PLXDC2: variants seen among roughly 807,000 people sequenced by gnomAD.
PLXDC2 encodes the protein plexin domain-containing protein 2.
PLXDC2 carries 40 observed loss-of-function variants against 68.9 expected under a neutral mutation model. The observed-to-expected ratio is 0.58, with a 90% CI of 0.45 to 0.76. The LOEUF (loss-of-function observed/expected upper bound fraction) is 0.76, where lower values mean the gene tolerates loss of function less well. Among genes scored for constraint, PLXDC2 ranks in the 30% least tolerant of loss-of-function variants. PLXDC2 has a pLI of 0.00. For synonymous variants in PLXDC2, 243 were observed against 234.2 expected (o/e 1.04, Z -0.34); for missense variants, 644 against 661.9 (o/e 0.97, Z 0.30).
At chr10:20,099,643 TGTGA>T (rs1235061222) in intron 4 of PLXDC2, among the ~76,000 whole-genome samples, 1 of 152,124 alleles carries the variant, frequency 6.6e-6, no homozygotes, top group Non-Finnish European at 1.5e-5. Context: ...TGCTAAATTG[TGTGA>T]GTGAGGGCTT....
chr10:19,892,750 A>G (rs1837987028), intron 1 of PLXDC2, among the ~76,000 whole-genome samples: 2 of 152,276 alleles, frequency 1.3e-5, no homozygotes, highest in South Asian at 4.1e-4. Context: ...TTTGATGGTC[A>G]CTTTCTGCAG....
At chr10:19,968,808 TATTG>T in intron 1 of PLXDC2, among the ~76,000 whole-genome samples, 1 of 152,272 alleles carries the variant, frequency 6.6e-6, no homozygotes, top group South Asian at 2.1e-4. Context: ...CCTGTAAAAC[TATTG>T]ATTAAGTACC....
At chr10:20,156,486 C>G (rs1186743513) in intron 6 of PLXDC2, among the ~76,000 whole-genome samples, 1 of 152,178 alleles carries the variant, frequency 6.6e-6, no homozygotes, top group Non-Finnish European at 1.5e-5. Flanking sequence ...AAAATTCACT[C>G]AAAGTGTGCA....
chr10:20,190,381 G>A (rs528972319), intron 9 of PLXDC2, among the ~76,000 whole-genome samples: 6 of 151,948 alleles, frequency 3.9e-5, no homozygotes, highest in Non-Finnish European at 7.4e-5. Context: ...AACAGTAGGT[G>A]CTAAATTGGT....
At chr10:20,149,193 A>G (rs1163534986) in intron 6 of PLXDC2, among the ~76,000 whole-genome samples, 1 of 110,894 alleles carries the variant, frequency 9.0e-6, no homozygotes, top group Non-Finnish European at 1.9e-5. Flanking sequence ...TAAGCCTTGG[A>G]TTCAATAGTT....
At chr10:19,934,115 A>T (rs2131391931) in intron 1 of PLXDC2, among the ~76,000 whole-genome samples, 1 of 152,332 alleles carries the variant, frequency 6.6e-6, no homozygotes, top group Admixed American at 6.5e-5. Flanking sequence ...TCATTGGGAT[A>T]CCACTTCATT....
At chr10:20,180,822 A>G (rs1834593663) in intron 9 of PLXDC2, among the ~76,000 whole-genome samples, 1 of 152,160 alleles carries the variant, frequency 6.6e-6, no homozygotes, top group African/African-American at 2.4e-5. Context: ...GCTTACTAAA[A>G]TTACTTGGTC....
rs192453125 is a variant in PLXDC2, at chr10:20,023,748, A to G, written c.324+21762A>G. On this transcript the variant is annotated intron_variant, in intron 2 of 13. Coordinates refer to ENST00000377252, the MANE Select transcript of PLXDC2 (RefSeq NM_032812.9). Reference sequence around the variant, plus strand: ...TCTGCAATCCACAAAAGTTATTTATAGGCAGCCACTTTCAAAAAAATGTTT... The same window carrying G: ...TCTGCAATCCACAAAAGTTATTTATGGGCAGCCACTTTCAAAAAAATGTTT... Among the ~76,000 whole-genome samples the G allele has an allele frequency of 1.1e-3, 153 of 143,478 alleles. 1 individual carries two copies. The East Asian group carries it at 0.021, about 20-fold the overall frequency. The allele number at this position is 143,478 out of a possible 152,430, so 94.1% of individuals were successfully genotyped here.
At chr10:20,041,120 AC>A (rs1835674103) in intron 2 of PLXDC2, among the ~76,000 whole-genome samples, 1 of 152,220 alleles carries the variant, frequency 6.6e-6, no homozygotes. Flanking sequence ...ATAGATAACC[AC>A]ATGCTGAATA....
At chr10:20,066,752 A>G (rs1836218471) in intron 3 of PLXDC2, among the ~76,000 whole-genome samples, 1 of 152,234 alleles carries the variant, frequency 6.6e-6, no homozygotes, top group South Asian at 2.1e-4. Flanking sequence ...GTAATTAGAA[A>G]TCGTGATGGC....
At chr10:20,009,960 A>G (rs904094361) in intron 2 of PLXDC2, among the ~76,000 whole-genome samples, 1 of 152,012 alleles carries the variant, frequency 6.6e-6, no homozygotes, top group Non-Finnish European at 1.5e-5. Context: ...TTAGATTAGA[A>G]TTGTTGTGGT....
At chr10:20,147,589 T>C (rs990129482) in intron 5 of PLXDC2, among the ~76,000 whole-genome samples, 195 bp from the exon 6 acceptor site, 1 of 152,208 alleles carries the variant, frequency 6.6e-6, no homozygotes, top group African/African-American at 2.4e-5. Flanking sequence ...ACTAAATATT[T>C]AGAGAGTACT....
Position 19,837,409 on chromosome 10 carries a change from AGTGTGTGTGTGT to A in PLXDC2, c.112+20243_112+20254del, listed in dbSNP as rs3043789. On this transcript the variant is annotated intron_variant, in intron 1 of 13. Transcript: ENST00000377252. ...GTGAGAGAGAGAGAGAGAGAGAGAG[AGTGTGTGTGTGT>A]GTGTGTGTGTGTGTGTGTGTGTGTA... is the stretch of plus-strand genomic sequence containing the variant. 4.2e-3 allele frequency among the ~76,000 whole-genome samples: 350 copies of A among 82,584 alleles called. 8 individuals carry two copies. The East Asian group carries it at 0.11, about 26-fold the overall frequency. The allele number at this position is 82,584 out of a possible 152,430, so 54.2% of individuals were successfully genotyped here. A position where few individuals can be genotyped will look rare whatever the true frequency, so the allele number is the denominator to read the frequency against.
In PLXDC2 at chr10:19,846,957, G is replaced by A. The variant is rs145169512; in HGVS notation, c.112+29766G>A. Among the ~76,000 whole-genome samples the A allele has an allele frequency of 3.6e-3, 551 of 152,254 alleles. 2 individuals carry two copies. Among genetic ancestry groups the A allele is most frequent in the African/African-American group, 0.012 (513 of 41,546 alleles). ...TACACGGCAGCGGGCAAGAGAGAGCGTGTGCAGGTGGAGTTCCCTTAATAA... is the reference window on the plus strand; with the variant it reads ...TACACGGCAGCGGGCAAGAGAGAGCATGTGCAGGTGGAGTTCCCTTAATAA... On this transcript the variant is annotated intron_variant, in intron 1 of 13. Transcript: ENST00000377252.
At chr10:20,068,993 A>G (rs1836270279) in intron 4 of PLXDC2, among the ~76,000 whole-genome samples, 1 of 152,132 alleles carries the variant, frequency 6.6e-6, no homozygotes. Flanking sequence ...GGAGAAAAAC[A>G]CATAAAAATG....
intron 4 of PLXDC2, among the ~76,000 whole-genome samples, chr10:20,136,390 G>A (rs545096739): frequency 3.9e-5 from 6 of 152,242 alleles, no homozygotes; most frequent in Admixed American, 2.0e-4. Context: ...TATAGTATAT[G>A]ACCTGTATCA....
At chr10:20,067,469 T>G (rs1222653766) in intron 3 of PLXDC2, among the ~76,000 whole-genome samples, 3 of 152,116 alleles carry the variant, frequency 2.0e-5, no homozygotes, top group Non-Finnish European at 4.4e-5. Flanking sequence ...GTGGATCACC[T>G]AAGGTCAGGA....
intron 12 of PLXDC2, among the ~76,000 whole-genome samples, chr10:20,240,391 G>C (rs1230303171): frequency 1.3e-5 from 2 of 152,110 alleles, no homozygotes. Context: ...TGCTGTAATG[G>C]ACATAATGTG....
intron 1 of PLXDC2, among the ~76,000 whole-genome samples, chr10:19,850,095 T>C (rs1837085837): frequency 6.6e-6 from 1 of 152,172 alleles, no homozygotes; most frequent in Non-Finnish European, 1.5e-5. Flanking sequence ...CATTCATCAA[T>C]ATACTTTGCA....
Sources: gnomAD v4.1 joint callset for allele counts (sites outside exome capture counted in the v4.1 genomes callset) on GRCh38, gnomAD v4.1.1 for gene constraint, MANE v1.5 for transcripts, NCBI Gene and HGNC (gene_info 2026-07-23, HGNC 2026-07-21) for gene names.